HSPD1: variants seen among roughly 807,000 people sequenced by gnomAD.
The protein encoded by HSPD1 is heat shock protein family D (Hsp60) member 1, also known as 60 kDa heat shock protein, mitochondrial.
In HSPD1, 3 loss-of-function variants were observed where a neutral mutation model predicts 53.0. That is an observed-to-expected ratio of 0.06 (90% CI 0.03 to 0.15). The LOEUF is 0.15. Among genes scored for constraint, HSPD1 ranks in the 10% least tolerant of loss-of-function variants. The pLI is 1.00. For synonymous variants in HSPD1, 200 were observed against 228.0 expected (o/e 0.88, Z 1.10); for missense variants, 431 against 694.1 (o/e 0.62, Z 4.26).
chr2:197,487,202 G>GA lies in HSPD1; in HGVS notation c.1570-5dup. The GA allele has an allele frequency of 5.6e-6, 9 of 1,613,030 alleles. No individual in the cohort carries two copies. The highest frequency in any genetic ancestry group is 2.2e-5 in the East Asian group (1 of 44,872). Reference sequence around the variant, plus strand: ...CCAATAAAGCAGTTCTCACAACCTAGAAAAAAATTTAATTAATTAGTTTTC... The same window carrying GA: ...CCAATAAAGCAGTTCTCACAACCTAGAAAAAAAATTTAATTAATTAGTTTTC... On this transcript the variant is annotated splice_region_variant and splice_polypyrimidine_tract_variant and intron_variant, in intron 11 of 11. Coordinates refer to ENST00000388968, the MANE Select transcript of HSPD1 (RefSeq NM_002156.5).
rs550955089 is a variant in HSPD1, at chr2:197,490,269, T to C, written c.897A>G (p.Ala299=). The change falls in exon 8 of 12, where the codon GCA becomes GCG. Residue 299 remains alanine (A), a synonymous_variant. Coordinates refer to ENST00000388968, the MANE Select transcript of HSPD1 (RefSeq NM_002156.5). ...NRLKVGLQVV[A]VKAPGFGDNR... ...TGTCACCAAACCCTGGAGCCTTGAC[T>C]GCCACAACCTGAAGACCAACCTTTA... The C allele has an allele frequency of 1.2e-6, 2 of 1,613,992 alleles. No homozygotes were observed. The highest frequency in any genetic ancestry group is 1.1e-5 in the South Asian group (1 of 91,078).
At chr2:197,492,355 A>C (rs1362621250) in intron 7 of HSPD1, among the ~76,000 whole-genome samples, 1 of 151,864 alleles carries the variant, frequency 6.6e-6, no homozygotes, top group Non-Finnish European at 1.5e-5. Context: ...ATGCTCTGCT[A>C]ATTTTTATAT....
intron 8 of HSPD1, among the ~76,000 whole-genome samples, 166 bp from the exon 9 acceptor site, chr2:197,489,413 T>C (rs562559221): frequency 5.3e-5 from 8 of 152,302 alleles, no homozygotes; most frequent in African/African-American, 1.9e-4. Flanking sequence ...ATAGTCTCTT[T>C]CACTGCATTT....
At chr2:197,499,019 C>A in intron 1 of HSPD1, 169 bp from the exon 2 acceptor site, 1 of 706,316 alleles carries the variant, frequency 1.4e-6, no homozygotes, top group South Asian at 1.6e-5. Context: ...GAACATCAGC[C>A]ACTAGCGCAA....
chr2:197,486,732 A>C lies in HSPD1; in HGVS notation c.*314T>G. The C allele has an allele frequency of 2.7e-6, 1 of 367,030 alleles. No homozygotes were observed. The highest frequency in any genetic ancestry group is 2.5e-5 in the South Asian group (1 of 39,476). 22.7% of individuals were successfully genotyped at this position (367,030 alleles called of 1,614,324 possible). A position where few individuals can be genotyped will look rare whatever the true frequency, so the allele number is the denominator to read the frequency against. On this transcript the variant is annotated 3_prime_UTR_variant, in exon 12 of 12. Transcript: ENST00000388968. Reference sequence around the variant, plus strand: ...GCACTAAAATCCTGATTTTAACAGAATAGTAGTAAAAATGCCTCAGTGATT... The same window carrying C: ...GCACTAAAATCCTGATTTTAACAGACTAGTAGTAAAAATGCCTCAGTGATT...
intron 7 of HSPD1, among the ~76,000 whole-genome samples, chr2:197,492,260 G>A (rs1217013639): frequency 6.6e-6 from 1 of 152,200 alleles, no homozygotes. Flanking sequence ...GCACAATCTC[G>A]GATCACTGCA....
At position 197,498,820 on chromosome 2, in the gene HSPD1, T is replaced by C; in HGVS notation, c.29A>G (p.Gln10Arg). 1 of 1,614,218 alleles carries C rather than the reference T, an allele frequency of 6.2e-7. No individual in the cohort carries two copies. The highest frequency in any genetic ancestry group is 8.5e-7 in the Non-Finnish European group (1 of 1,180,036). ...CAGTACCCTGGACACCGGTCTCATCTGGCGAAAGACTGTGGGTAACCGAAG... is the reference window on the plus strand; with the variant it reads ...CAGTACCCTGGACACCGGTCTCATCCGGCGAAAGACTGTGGGTAACCGAAG... MLRLPTVFR[Q>R]MRPVSRVLAP... Residue 10 changes from glutamine (Q) to arginine (R), a missense_variant, in exon 2 of 12, where the codon CAG becomes CGG. Coordinates refer to ENST00000388968, the MANE Select transcript of HSPD1 (RefSeq NM_002156.5).
chr2:197,487,056 C>A lies in HSPD1; in HGVS notation c.1712G>T (p.Gly571Val), dbSNP rs374322039. The A allele has an allele frequency of 4.8e-5, 70 of 1,470,368 alleles. 1 individual carries two copies. The African/African-American group carries it at 9.3e-4, about 19-fold the overall frequency. 91.1% of individuals were successfully genotyped at this position (1,470,368 alleles called of 1,614,324 possible). ...GCACTAGTCTAGGAGTTAGAACATG[C>A]CACCTCCCATACCACCTCCCATTCC... ...MGGMGGGMGG[G>V]MF Residue 571 changes from glycine (G) to valine (V), a missense_variant, in exon 12 of 12, where the codon GGC becomes GTC. Transcript: ENST00000388968.
chr2:197,489,171 A>G lies in HSPD1; in HGVS notation c.1046T>C (p.Ile349Thr), dbSNP rs763507243. ...PHDLGKVGEV[I>T]VTKDDAMLLK... ...GAGCATGGCATCGTCTTTGGTCACA[A>G]TGACCTCTCCAACTTTTCCTAAGTC... Residue 349 changes from isoleucine to threonine, a missense_variant, in exon 9 of 12, where the codon ATT becomes ACT. By Grantham distance (89) the Ile-to-Thr change is moderately conservative. Around this residue, in one of 2 missense-constraint regions of HSPD1, gnomAD observed 386 missense variants for 657.6 expected, o/e 0.59. Transcript: ENST00000388968. 1.2e-5 allele frequency: 19 copies of G among 1,614,032 alleles called. No homozygotes were observed. Among genetic ancestry groups the G allele is most frequent in the Middle Eastern group, 1.6e-4 (1 of 6,084 alleles).
At chr2:197,492,259 C>T (rs902603731) in intron 7 of HSPD1, among the ~76,000 whole-genome samples, 2 of 152,180 alleles carry the variant, frequency 1.3e-5, no homozygotes, top group Admixed American at 6.5e-5. Context: ...AGCACAATCT[C>T]GGATCACTGC....
chr2:197,487,116 T>C lies in HSPD1; in HGVS notation c.1652A>G (p.Lys551Arg), dbSNP rs1245822255. 2.5e-5 allele frequency: 40 copies of C among 1,581,176 alleles called. No homozygotes were observed. In the Admixed American group the frequency reaches 6.0e-4, roughly 24 times the overall value. ...TAEVVVTEIP[K>R]EEKDPGMGAM... ...ACCCATTCCAGGGTCCTTCTCTTCTTTAGGAATTTCTGTGACTACAACTTC... is the reference window on the plus strand; with the variant it reads ...ACCCATTCCAGGGTCCTTCTCTTCTCTAGGAATTTCTGTGACTACAACTTC... The change falls in exon 12 of 12, where the codon AAA (lysine) becomes AGA (arginine). Residue 551 changes from lysine (K) to arginine (R), a missense_variant. By Grantham distance (26) the Lys-to-Arg change is conservative. Coordinates refer to ENST00000388968, the MANE Select transcript of HSPD1 (RefSeq NM_002156.5).
Position 197,488,318 on chromosome 2 carries a change from A to G in HSPD1, c.1389T>C (p.Ile463=). 3.1e-6 allele frequency: 5 copies of G among 1,613,870 alleles called. No individual in the cohort carries two copies. Among genetic ancestry groups the G allele is most frequent in the South Asian group, 1.1e-5 (1 of 91,064 alleles). ...SLTPANEDQK[I]GIEIIKRTLK... is the part of the protein sequence containing the mutation. ...CTCATTTAAAAGGTAACTTTTTACC[A>G]ATTTTTTGATCTTCATTAGCTGGAG... The change falls in exon 10 of 12, where the codon ATT becomes ATC. Residue 463 remains isoleucine, a splice_region_variant and synonymous_variant. Coordinates refer to ENST00000388968, the MANE Select transcript of HSPD1 (RefSeq NM_002156.5).
Position 197,498,835 on chromosome 2 carries a change from G to C in HSPD1, c.14C>G (p.Pro5Arg). The C allele has an allele frequency of 1.2e-6, 2 of 1,614,160 alleles. No homozygotes were observed. Among genetic ancestry groups the C allele is most frequent in the Non-Finnish European group, 1.7e-6 (2 of 1,180,028 alleles). ...CGGTCTCATCTGGCGAAAGACTGTG[G>C]GTAACCGAAGCATTTCTGGGGATGG... is the stretch of plus-strand genomic sequence containing the variant. MLRLPTVFRQMRPVS... is the reference protein window; with the variant it reads MLRLRTVFRQMRPVS... Residue 5 changes from proline to arginine, a missense_variant, in exon 2 of 12, where the codon CCC becomes CGC. By Grantham distance (103) the Pro-to-Arg change is moderately radical. This residue lies in a region of HSPD1 where 45 missense variants were observed against 36.5 expected (regional missense o/e 1.23). Transcript: ENST00000388968.
At chr2:197,494,817 A>C in intron 4 of HSPD1, 65 bp from the exon 5 acceptor site, 1 of 1,042,134 alleles carries the variant, frequency 9.6e-7, no homozygotes, top group Non-Finnish European at 1.5e-6. Flanking sequence ...CAGTTCCCTT[A>C]CCTTTTCCTA....
intron 6 of HSPD1, 42 bp from the exon 7 acceptor site, chr2:197,493,534 C>T (rs775232171): frequency 1.8e-5 from 25 of 1,406,736 alleles, no homozygotes; most frequent in Middle Eastern, 1.8e-4. Flanking sequence ...CAAAAAATGA[C>T]TGCAATACAT....
chr2:197,497,059 A>C (rs2086167244), intron 3 of HSPD1, 81 bp downstream of exon 3: 2 of 1,360,498 alleles, frequency 1.5e-6, no homozygotes, highest in African/African-American at 2.9e-5. Context: ...CCTCAAGTTA[A>C]CACTTTCCTT....
intron 3 of HSPD1, among the ~76,000 whole-genome samples, chr2:197,496,372 C>A (rs542412074): frequency 6.6e-6 from 1 of 152,226 alleles, no homozygotes; most frequent in Non-Finnish European, 1.5e-5. Context: ...CCCATAAACA[C>A]TGAAATAGAT....
intron 10 of HSPD1, 106 bp downstream of exon 10, chr2:197,488,211 G>T: frequency 1.8e-6 from 2 of 1,088,202 alleles, no homozygotes; most frequent in Non-Finnish European, 2.8e-6. Context: ...TTCTACTTCT[G>T]TTATTCAGGA....
chr2:197,496,931 A>T, intron 3 of HSPD1: 1 of 551,672 alleles, frequency 1.8e-6, no homozygotes, highest in South Asian at 2.0e-5. Context: ...GAAACCAACT[A>T]AGTAAAATAT....
Sources: gnomAD v4.1 joint callset for allele counts (sites outside exome capture counted in the v4.1 genomes callset) on GRCh38, gnomAD v4.1.1 for gene constraint, gnomAD v4.1.1 regional missense constraint, MANE v1.5 for transcripts, NCBI Gene and HGNC (gene_info 2026-07-23, HGNC 2026-07-21) for gene names.